The following TUBA4B variants were observed in gnomAD, a reference collection of about 807,000 sequenced individuals.
TUBA4B encodes the protein tubulin-like protein alpha-4B.
In TUBA4B, 13 loss-of-function variants were observed where a neutral mutation model predicts 18.4. The observed-to-expected ratio is 0.71, with a 90% CI of 0.46 to 1.12. TUBA4B has a LOEUF of 1.12. TUBA4B is among the 50% of genes most tolerant of loss of function. The pLI is 0.00. For missense variants in TUBA4B, 244 were observed against 250.0 expected, an observed-to-expected ratio of 0.98 and a Z score of 0.16; for synonymous variants, 101 against 99.1, an observed-to-expected ratio of 1.02 and a Z score of -0.11.
intron 1 of TUBA4B, 37 bp downstream of exon 1, chr2:219,253,456 G>C (rs1381902282): frequency 6.9e-7 from 1 of 1,444,530 alleles, no homozygotes; most frequent in East Asian, 2.5e-5. Context: ...CGCCAAGCAC[G>C]TGCTCGGTCA....
chr2:219,271,430 C>T lies in TUBA4B; in HGVS notation c.457C>T (p.His153Tyr). The T allele has an allele frequency of 1.9e-6, 3 of 1,614,180 alleles. No individual in the cohort carries two copies. The highest frequency in any genetic ancestry group is 2.5e-6 in the Non-Finnish European group (3 of 1,180,038). Residue 153 changes from histidine to tyrosine, a missense_variant, in exon 4 of 4, where the codon CAC (histidine) becomes TAC (tyrosine). Coordinates refer to ENST00000490341, the MANE Select transcript of TUBA4B (RefSeq NM_001355221.1). ...VDNKAIYDIC[H>Y]CNLDIERPTY... ...CAACAAAGCAATCTATGACATCTGC[C>T]ACTGCAACCTAGACATCGAGCGCCC...
intron 1 of TUBA4B, among the ~76,000 whole-genome samples, chr2:219,262,179 T>C (rs529797036): frequency 2.0e-4 from 31 of 152,176 alleles, no homozygotes; most frequent in South Asian, 1.5e-3. Flanking sequence ...GGCGTGGTGG[T>C]GGGCGCCTGT....
intron 1 of TUBA4B, among the ~76,000 whole-genome samples, chr2:219,265,658 A>G (rs2125076388): frequency 6.6e-6 from 1 of 152,296 alleles, no homozygotes; most frequent in South Asian, 2.1e-4. Context: ...AAAAAGATGC[A>G]TAAAGCAGGA....
Position 219,271,315 on chromosome 2 carries a change from C to T in TUBA4B, c.342C>T (p.Pro114=). ...SKLGFSIYPA[P]QVSTAMVQPY... ...TGGGATTCTCCATCTACCCAGCCCC[C>T]CAGGTGTCTACAGCCATGGTCCAGC... Residue 114 remains proline, a synonymous_variant, in exon 4 of 4, where the codon CCC becomes CCT. Transcript: ENST00000490341. 4 of 1,599,582 alleles carry T rather than the reference C, an allele frequency of 2.5e-6. No individual in the cohort carries two copies. The highest frequency in any genetic ancestry group is 2.2e-5 in the South Asian group (2 of 90,790).
chr2:219,262,352 A>G (rs1951765011), intron 1 of TUBA4B, among the ~76,000 whole-genome samples: 1 of 150,928 alleles, frequency 6.6e-6, no homozygotes, highest in Admixed American at 6.6e-5. Context: ...CAAAACAAAT[A>G]TCACCTTCTT....
rs1469479927 is a variant in TUBA4B, at chr2:219,271,214, G to A, written c.241G>A (p.Gly81Ser). 5 of 1,143,284 alleles carry A rather than the reference G, an allele frequency of 4.4e-6. No homozygotes were observed. The highest frequency in any genetic ancestry group is 6.7e-6 in the Non-Finnish European group (5 of 750,830). 70.8% of individuals were successfully genotyped at this position (1,143,284 alleles called of 1,614,324 possible). Residue 81 changes from glycine to serine, a missense_variant, in exon 4 of 4, where the codon GGT becomes AGT. Transcript: ENST00000490341. ...LQGFLVFHSL[G>S]RGTGSDVTSF... The stretch of plus-strand genomic sequence containing the variant: ...GGGCTTCCTGGTGTTCCACAGCCTT[G>A]GTCGGGGCACTGGCTCTGACGTCAC...
At chr2:219,255,894 A>C (rs540673097) in intron 1 of TUBA4B, among the ~76,000 whole-genome samples, 9 of 152,358 alleles carry the variant, frequency 5.9e-5, no homozygotes, top group Middle Eastern at 3.4e-3. Context: ...GGAAAGGAAT[A>C]TAGTGAAATA....
chr2:219,271,639 G>A lies in TUBA4B; in HGVS notation c.666G>A (p.Thr222=), dbSNP rs544531962. Residue 222 remains threonine, a synonymous_variant, in exon 4 of 4, where the codon ACG becomes ACA. Coordinates refer to ENST00000490341, the MANE Select transcript of TUBA4B (RefSeq NM_001355221.1). ...CATCTCTGCAGAAAAGGTATACCAC[G>A]AGCAGCTGTTGGTGGCAGAGATTAC... ...HQSSLQKRYT[T]SSCWWQRLPM... 1.1e-4 allele frequency: 179 copies of A among 1,613,942 alleles called. No homozygotes were observed. The African/African-American group carries it at 2.0e-3, about 18-fold the overall frequency.
At chr2:219,257,340 CT>C (rs768367065) in intron 1 of TUBA4B, among the ~76,000 whole-genome samples, 4,445 of 92,542 alleles carry the variant, frequency 0.048, 262 homozygotes, top group African/African-American at 0.17. Context: ...TGCGCCCAGC[CT>C]TTTTTTTTTT....
rs1271770036 is a variant in TUBA4B at position 219,271,766 on chromosome 2, A to C, written c.*67A>C. On this transcript the variant is annotated 3_prime_UTR_variant, in exon 4 of 4. Coordinates refer to ENST00000490341, the MANE Select transcript of TUBA4B (RefSeq NM_001355221.1). ...CTATACCATGGAGATGTGGTGCCCA[A>C]GGATGTCAACGCTGCCATTGCTGCC... 1.2e-6 allele frequency: 2 copies of C among 1,611,160 alleles called. No individual in the cohort carries two copies. Among genetic ancestry groups the C allele is most frequent in the African/African-American group, 2.7e-5 (2 of 75,020 alleles).
chr2:219,270,173 T>A, intron 2 of TUBA4B, 29 bp from the exon 3 acceptor site: 1 of 714,738 alleles, frequency 1.4e-6, no homozygotes, highest in Non-Finnish European at 2.6e-6. Flanking sequence ...GGCCCAAAAC[T>A]CTGCCCACTG....
intron 1 of TUBA4B, among the ~76,000 whole-genome samples, chr2:219,264,446 T>G (rs12465435): frequency 0.081 from 11,480 of 142,392 alleles, 1,128 homozygotes; most frequent in African/African-American, 0.24. Context: ...GGTGACAGAG[T>G]GAGGCCCTGT....
rs1273984980 is a variant in TUBA4B at position 219,271,987 on chromosome 2, C to A, written c.*288C>A. 7 of 1,522,666 alleles carry A rather than the reference C, an allele frequency of 4.6e-6. No individual in the cohort carries two copies. Among genetic ancestry groups the A allele is most frequent in the Non-Finnish European group, 6.4e-6 (7 of 1,097,534 alleles). 94.3% of individuals were successfully genotyped at this position (1,522,666 alleles called of 1,614,324 possible). On this transcript the variant is annotated 3_prime_UTR_variant, in exon 4 of 4. Transcript: ENST00000490341. ...GACCACAAGTTTGACCTGATGTATG[C>A]CAAGAGGGCGTTTGGGCACTGATAT...
At chr2:219,253,712 T>C (rs1465858876) in intron 1 of TUBA4B, 2 of 990,312 alleles carry the variant, frequency 2.0e-6, no homozygotes, top group Admixed American at 2.7e-5. Flanking sequence ...CAGGAGGGGG[T>C]TGGGGAGGGA....
rs949660034 is a variant in TUBA4B at position 219,262,979 on chromosome 2, C to T, written c.13-3542C>T. Among the ~76,000 whole-genome samples, 5 of 151,454 alleles carry T rather than the reference C, an allele frequency of 3.3e-5. No individual in the cohort carries two copies. The East Asian group carries it at 5.9e-4, about 18-fold the overall frequency. On this transcript the variant is annotated intron_variant, in intron 1 of 3. Coordinates refer to ENST00000490341, the MANE Select transcript of TUBA4B (RefSeq NM_001355221.1). ...TTGCTTGAACCCGGGAGGCGGAGGT[C>T]GCAGTGAGCCGAGATAGCACCACTG... is the stretch of plus-strand genomic sequence containing the variant.
chr2:219,263,579 C>T (rs1951771965), intron 1 of TUBA4B, among the ~76,000 whole-genome samples: 2 of 152,200 alleles, frequency 1.3e-5, no homozygotes, highest in African/African-American at 4.8e-5. Context: ...GGAGAAGTTT[C>T]AGTGCTACAC....
intron 1 of TUBA4B, among the ~76,000 whole-genome samples, chr2:219,256,037 A>C (rs1951717099): frequency 6.6e-6 from 1 of 152,200 alleles, no homozygotes; most frequent in South Asian, 2.1e-4. Flanking sequence ...CAAAGAAAGG[A>C]GCCGTGGTGA....
At position 219,271,570 on chromosome 2, in the gene TUBA4B, G is replaced by A. The variant is rs755458045; in HGVS notation, c.597G>A (p.Val199=). Reference sequence around the variant, plus strand: ...TGACAGAGTTCCAGACCAACCTGGTGTCCTACCTCACATCCACTTCCCCCT... The same window carrying A: ...TGACAGAGTTCCAGACCAACCTGGTATCCTACCTCACATCCACTTCCCCCT... ...VDLTEFQTNL[V]SYLTSTSPWP... is the part of the protein sequence containing the mutation. Residue 199 remains valine, a synonymous_variant, in exon 4 of 4, where the codon GTG becomes GTA. Transcript: ENST00000490341. 5 of 1,614,184 alleles carry A rather than the reference G, an allele frequency of 3.1e-6. No individual in the cohort carries two copies. The South Asian group carries it at 3.3e-5, about 11-fold the overall frequency.
chr2:219,257,983 G>GGTT (rs1951732689), intron 1 of TUBA4B, among the ~76,000 whole-genome samples: 2 of 94,174 alleles, frequency 2.1e-5, no homozygotes, highest in African/African-American at 4.5e-5. Flanking sequence ...CATTTTGGGT[G>GGTT]TTTTTTTTTT....
Sources: allele counts gnomAD v4.1 joint callset (sites outside exome capture counted in the v4.1 genomes callset), GRCh38; gene constraint gnomAD v4.1.1; transcripts MANE v1.5; gene names NCBI Gene and HGNC (gene_info 2026-07-23, HGNC 2026-07-21).